ATP1A3: variants seen among roughly 807,000 people sequenced by gnomAD.
ATP1A3 encodes sodium/potassium-transporting ATPase subunit alpha-3.
In ATP1A3, 12 loss-of-function variants were observed where a neutral mutation model predicts 108.8. That is an observed-to-expected ratio of 0.11 (90% CI 0.07 to 0.18). The LOEUF (loss-of-function observed/expected upper bound fraction) is 0.18. Ranked by LOEUF, ATP1A3 falls within the 10% of genes least tolerant of loss-of-function variation. ATP1A3 has a pLI of 1.00. For synonymous variants in ATP1A3, 539 were observed against 564.5 expected (o/e 0.95, Z 0.64); for missense variants, 498 against 1,387.7 (o/e 0.36, Z 10.19).
chr19:41,976,387 G>A (rs200454459), intron 15 of ATP1A3, 29 bp downstream of exon 15: 85 of 1,613,664 alleles, frequency 5.3e-5, no homozygotes, highest in East Asian at 6.7e-5. Flanking sequence ...TCAAGGCCCC[G>A]TCCCCTCCTC....
intron 4 of ATP1A3, among the ~76,000 whole-genome samples, chr19:41,987,587 G>A (rs1357609269): frequency 1.3e-5 from 2 of 152,162 alleles, no homozygotes; most frequent in Middle Eastern, 3.2e-3. Flanking sequence ...GGGCCCTGAT[G>A]TATCAGCAGC....
intron 8 of ATP1A3, among the ~76,000 whole-genome samples, chr19:41,983,555 A>T (rs2075255346): frequency 6.7e-6 from 1 of 148,726 alleles, no homozygotes; most frequent in East Asian, 1.9e-4. Flanking sequence ...CAAAGCAGCC[A>T]GAGAAAAAAT....
Position 41,985,787 on chromosome 19 carries a change from G to A in ATP1A3, c.606+77C>T, listed in dbSNP as rs1599723437. On this transcript the variant is annotated intron_variant, in intron 6 of 22. Coordinates refer to ENST00000648268, the MANE Select transcript of ATP1A3 (RefSeq NM_152296.5). The surrounding 1 kb of genome is among the most constrained non-coding windows in gnomAD (Gnocchi z 8.2). ...GGGGTTGGGACCTGGACTCCTGAGTGTGAGGGAGGAGGGGCTGGGCCTGAG... is the reference window on the plus strand; with the variant it reads ...GGGGTTGGGACCTGGACTCCTGAGTATGAGGGAGGAGGGGCTGGGCCTGAG... 2 of 1,591,770 alleles carry A rather than the reference G, an allele frequency of 1.3e-6. No individual in the cohort carries two copies. The highest frequency in any genetic ancestry group is 1.7e-6 in the Non-Finnish European group (2 of 1,170,182).
chr19:41,969,895 G>A (rs545354599), intron 18 of ATP1A3, among the ~76,000 whole-genome samples: 3 of 152,298 alleles, frequency 2.0e-5, no homozygotes, highest in East Asian at 3.9e-4. Context: ...AGCTCCCTAC[G>A]CAGGAATGAC....
chr19:41,968,925 CG>C lies in ATP1A3; in HGVS notation c.2689-11del, dbSNP rs1568853091. 1 of 1,613,568 alleles carries C rather than the reference CG, an allele frequency of 6.2e-7. No individual in the cohort carries two copies. Among genetic ancestry groups the C allele is most frequent in the Admixed American group, 1.7e-5 (1 of 59,992 alleles). On this transcript the variant is annotated splice_polypyrimidine_tract_variant and intron_variant, in intron 19 of 22. Transcript: ENST00000648268. The surrounding 1 kb of genome is among the most constrained non-coding windows in gnomAD (Gnocchi z 5.0). Reference sequence around the variant, plus strand: ...TCCTCTGCTCGTATGTCTGCAGGAGCGGTGACCAGGGCACGGGACGTCAGTT... The same window carrying C: ...TCCTCTGCTCGTATGTCTGCAGGAGCGTGACCAGGGCACGGGACGTCAGTT...
Position 41,967,457 on chromosome 19 carries a change from G to T in ATP1A3, c.2922-117C>A. On this transcript the variant is annotated intron_variant, in intron 21 of 22. Coordinates refer to ENST00000648268, the MANE Select transcript of ATP1A3 (RefSeq NM_152296.5). This position sits in a 1 kb window ranked among gnomAD's most constrained non-coding sequence, Gnocchi z 4.2. ...CCAGGATCCTTCGTGCTCACAGGTG[G>T]AGGGTGCCCTGGGCGGGGCTGGGGC... is the stretch of plus-strand genomic sequence containing the variant. 1 of 1,318,528 alleles carries T rather than the reference G, an allele frequency of 7.6e-7. No individual in the cohort carries two copies. Among genetic ancestry groups the T allele is most frequent in the South Asian group, 1.3e-5 (1 of 77,198 alleles). The allele number at this position is 1,318,528 out of a possible 1,614,324, so 81.7% of individuals were successfully genotyped here.
rs1161063378 is a variant in ATP1A3 at position 41,988,831 on chromosome 19, T to G, written c.7-269A>C. Among the ~76,000 whole-genome samples the G allele has an allele frequency of 1.3e-5, 2 of 152,186 alleles. No homozygotes were observed. The highest frequency in any genetic ancestry group is 6.5e-5 in the Admixed American group (1 of 15,272). ...TTCCCTGTCTCTGGTTCTGTGTGTC[T>G]CTGAGTCTCTGTCCCCGAAGGTCCC... On this transcript the variant is annotated intron_variant, in intron 1 of 22. Transcript: ENST00000648268. The surrounding 1 kb of genome is among the most constrained non-coding windows in gnomAD (Gnocchi z 5.3).
At chr19:41,993,534 C>T (rs1222455631) in intron 1 of ATP1A3, 2 of 1,278,710 alleles carry the variant, frequency 1.6e-6, no homozygotes, top group Non-Finnish European at 2.1e-6. Context: ...CACACACACA[C>T]ACACACACAC....
At chr19:41,989,024 C>T (rs1353494949) in intron 1 of ATP1A3, among the ~76,000 whole-genome samples, 2 of 152,108 alleles carry the variant, frequency 1.3e-5, no homozygotes, top group South Asian at 2.1e-4. Context: ...ACTGCAGCCT[C>T]GACTTCTGAG....
intron 4 of ATP1A3, among the ~76,000 whole-genome samples, chr19:41,986,905 G>A (rs1161762982): frequency 6.6e-6 from 1 of 151,970 alleles, no homozygotes; most frequent in Non-Finnish European, 1.5e-5. Context: ...ACCAGGCCCG[G>A]CTATGTTTTG....
At chr19:41,973,297 C>A (rs1755996374) in intron 16 of ATP1A3, among the ~76,000 whole-genome samples, 1 of 152,138 alleles carries the variant, frequency 6.6e-6, no homozygotes, top group Non-Finnish European at 1.5e-5. Context: ...TCGCTCTATC[C>A]CAGGCTGGAG....
Position 41,987,318 on chromosome 19 carries a change from C to CTG in ATP1A3, c.357+616_357+617dup, listed in dbSNP as rs143496582. 1.9e-3 allele frequency among the ~76,000 whole-genome samples: 282 copies of CTG among 151,574 alleles called. 4 individuals carry two copies. Among genetic ancestry groups the CTG allele is most frequent in the African/African-American group, 6.5e-3 (267 of 41,348 alleles). On this transcript the variant is annotated intron_variant, in intron 4 of 22. Coordinates refer to ENST00000648268, the MANE Select transcript of ATP1A3 (RefSeq NM_152296.5). ...CTGTCACCAGGTTATGCCTGCATTG[C>CTG]TGTGTGTGTGTGTGCGTGTCAGTGT...
chr19:41,968,977 C>T lies in ATP1A3; in HGVS notation c.2689-62G>A, dbSNP rs2075073407. ...AGTGGCACTGCAGCCCTAGCCGCCA[C>T]CCCGACGTTCCGGTGCTCTTTGCCC... On this transcript the variant is annotated intron_variant, in intron 19 of 22. Coordinates refer to ENST00000648268, the MANE Select transcript of ATP1A3 (RefSeq NM_152296.5). The surrounding 1 kb of genome is among the most constrained non-coding windows in gnomAD (Gnocchi z 5.0). 1.2e-6 allele frequency: 2 copies of T among 1,609,612 alleles called. No homozygotes were observed. The highest frequency in any genetic ancestry group is 1.3e-5 in the African/African-American group (1 of 74,844).
At chr19:41,994,000 C>G in intron 1 of ATP1A3, 71 bp downstream of exon 1, 1 of 1,597,150 alleles carries the variant, frequency 6.3e-7, no homozygotes, top group Non-Finnish European at 8.5e-7. Flanking sequence ...GCCCCCGCCC[C>G]CCGCGCACAC....
intron 16 of ATP1A3, among the ~76,000 whole-genome samples, chr19:41,974,064 C>T (rs1354565348): frequency 6.6e-6 from 1 of 152,170 alleles, no homozygotes; most frequent in African/African-American, 2.4e-5. Context: ...AACCCCATCT[C>T]TACTAAAAAT....
In ATP1A3 at chr19:41,975,648, G is replaced by A. The variant is rs143307687; in HGVS notation, c.2244C>T (p.Ile748=). The A allele has an allele frequency of 4.3e-6, 7 of 1,613,964 alleles. No individual in the cohort carries two copies. The East Asian group carries it at 6.7e-5, about 15-fold the overall frequency. Reference sequence around the variant, plus strand: ...ACTCACCCTCCTCCACCCCTGTGACGATGGAGGCAAAGTTGTCGTCCAGCA... The same window carrying A: ...ACTCACCCTCCTCCACCCCTGTGACAATGGAGGCAAAGTTGTCGTCCAGCA... The part of the protein sequence containing the change: ...MILLDDNFAS[I]VTGVEEGRLI... Residue 748 remains isoleucine (I), a synonymous_variant, in exon 16 of 23, where the codon ATC becomes ATT. Transcript: ENST00000648268.
At chr19:41,993,702 C>T in intron 1 of ATP1A3, 1 of 604,460 alleles carries the variant, frequency 1.7e-6, no homozygotes, top group South Asian at 2.0e-5. Flanking sequence ...CACACCCAGA[C>T]GCGATCGCAG....
At chr19:41,987,329 T>TGTGC (rs1483971757) in intron 4 of ATP1A3, among the ~76,000 whole-genome samples, 3 of 152,208 alleles carry the variant, frequency 2.0e-5, no homozygotes, top group Non-Finnish European at 4.4e-5. Context: ...TGTGTGTGTG[T>TGTGC]GTGCGTGTCA....
rs1555859055 is a variant in ATP1A3, at chr19:41,968,201, G to A, written c.2820-438C>T. 1.3e-5 allele frequency among the ~76,000 whole-genome samples: 2 copies of A among 152,136 alleles called. No individual in the cohort carries two copies. Among genetic ancestry groups the A allele is most frequent in the Non-Finnish European group, 2.9e-5 (2 of 68,030 alleles). On this transcript the variant is annotated intron_variant, in intron 20 of 22. Transcript: ENST00000648268. The surrounding 1 kb of genome is among the most constrained non-coding windows in gnomAD (Gnocchi z 5.0). ...CTAGGACACACAGGACCCCTTGAGAGAAAATCAGTGCAGTGGCAAAACCCA... is the reference window on the plus strand; with the variant it reads ...CTAGGACACACAGGACCCCTTGAGAAAAAATCAGTGCAGTGGCAAAACCCA...
Sources: gnomAD v4.1 joint callset for allele counts (sites outside exome capture counted in the v4.1 genomes callset) on GRCh38, gnomAD v4.1.1 for gene constraint, Gnocchi (gnomAD v3.1) non-coding constraint, MANE v1.5 for transcripts, NCBI Gene and HGNC (gene_info 2026-07-23, HGNC 2026-07-21) for gene names.